ZNF69: variants seen among roughly 807,000 people sequenced by gnomAD.
ZNF69 encodes the protein zinc finger protein 69, also known as ZNF3.
ZNF69 carries 47 observed loss-of-function variants against 50.9 expected under a neutral mutation model. The observed-to-expected ratio is 0.92, with a 90% CI of 0.73 to 1.18. The LOEUF (loss-of-function observed/expected upper bound fraction) is 1.18. Ranked by LOEUF, ZNF69 falls within the 50% of genes most tolerant of loss-of-function variation. The pLI is 0.00. For synonymous variants in ZNF69, 216 were observed against 223.1 expected (o/e 0.97, Z 0.29); for missense variants, 717 against 675.1 (o/e 1.06, Z -0.69).
At chr19:11,970,369 A>G in the ZNF69 span, among the ~76,000 whole-genome samples, 2 of 152,204 alleles carry the variant, frequency 1.3e-5, no homozygotes, top group Non-Finnish European at 2.9e-5. Flanking sequence ...AACTGGGAGG[A>G]GGTGGAGAAC....
At chr19:11,970,173 G>T in the ZNF69 span, among the ~76,000 whole-genome samples, 1 of 152,158 alleles carries the variant, frequency 6.6e-6, no homozygotes, top group African/African-American at 2.4e-5. Flanking sequence ...TCTGCCAATC[G>T]GATGTTGCTA....
chr19:11,924,930 C>T, the ZNF69 span: 1 of 390,544 alleles, frequency 2.6e-6, no homozygotes, highest in South Asian at 2.3e-5. Context: ...GTGCAGAAAG[C>T]AGCTCGCCCT....
At chr19:11,942,188 C>G in the ZNF69 span, among the ~76,000 whole-genome samples, 1 of 150,626 alleles carries the variant, frequency 6.6e-6, no homozygotes, top group South Asian at 2.1e-4. Flanking sequence ...CTGCTTATAT[C>G]TAGCATGCCT....
At chr19:11,945,498 G>C in the ZNF69 span, among the ~76,000 whole-genome samples, 1 of 152,136 alleles carries the variant, frequency 6.6e-6, no homozygotes, top group African/African-American at 2.4e-5. Context: ...GCTCTCAAGT[G>C]CTTGAGGTGG....
chr19:11,921,124 A>G, the ZNF69 span, among the ~76,000 whole-genome samples: 2 of 152,188 alleles, frequency 1.3e-5, no homozygotes, highest in African/African-American at 4.8e-5. Flanking sequence ...AGTGTCAGAT[A>G]AATGCTCTCC....
At chr19:11,892,983 T>C (rs1476891538) in intron 1 of ZNF69, among the ~76,000 whole-genome samples, 1 of 152,116 alleles carries the variant, frequency 6.6e-6, no homozygotes, top group Non-Finnish European at 1.5e-5. Flanking sequence ...TACATGCATG[T>C]GCCACCGCAC....
chr19:11,908,305 C>T (rs1260313863), downstream of ZNF69, among the ~76,000 whole-genome samples: 1 of 152,206 alleles, frequency 6.6e-6, no homozygotes, highest in Non-Finnish European at 1.5e-5. Context: ...TTGAACTCAG[C>T]TCTGCACCAA....
At chr19:11,924,398 CT>C in the ZNF69 span, among the ~76,000 whole-genome samples, 1 of 137,784 alleles carries the variant, frequency 7.3e-6, no homozygotes, top group African/African-American at 2.7e-5. Flanking sequence ...CACCACTGCA[CT>C]CCAGCCTGGG....
At chr19:11,917,761 G>C (rs911125381), downstream of ZNF69, among the ~76,000 whole-genome samples, 5 of 149,144 alleles carry the variant, frequency 3.4e-5, no homozygotes, top group Admixed American at 6.7e-5. Flanking sequence ...GGGTAGCCGG[G>C]ACTGCTGGCA....
intron 4 of ZNF69, among the ~76,000 whole-genome samples, chr19:11,912,547 G>A (rs569668292): frequency 1.9e-4 from 29 of 152,190 alleles, no homozygotes; most frequent in Non-Finnish European, 2.5e-4. Flanking sequence ...AGCAATGTGC[G>A]AAAGCCTTTA....
chr19:11,932,822 A>G, the ZNF69 span, among the ~76,000 whole-genome samples: 1 of 147,402 alleles, frequency 6.8e-6, no homozygotes, highest in Admixed American at 6.7e-5. Context: ...TATTTTTAGT[A>G]GAGACGGGGT....
the ZNF69 span, among the ~76,000 whole-genome samples, chr19:11,924,431 C>CAAAAAAAA: frequency 6.1e-5 from 4 of 65,170 alleles, no homozygotes; most frequent in Non-Finnish European, 7.1e-5. Flanking sequence ...GACTCCGTCT[C>CAAAAAAAA]AAAAAAAAAA....
the ZNF69 span, among the ~76,000 whole-genome samples, chr19:11,932,562 C>G: frequency 0.12 from 17,376 of 147,428 alleles, 1,723 homozygotes; most frequent in Middle Eastern, 0.19. Context: ...TTTCTTTATA[C>G]TTCCCCAACC....
At chr19:11,924,853 G>C in the ZNF69 span, among the ~76,000 whole-genome samples, 1 of 152,344 alleles carries the variant, frequency 6.6e-6, no homozygotes, top group East Asian at 1.9e-4. Flanking sequence ...CCTTGAGTGA[G>C]GATGACGCTA....
downstream of ZNF69, among the ~76,000 whole-genome samples, chr19:11,909,961 A>G (rs532649998): frequency 2.0e-5 from 3 of 151,120 alleles, no homozygotes; most frequent in Non-Finnish European, 4.4e-5. Flanking sequence ...CTGATAAGCA[A>G]CTTCAGCAAA....
the ZNF69 span, among the ~76,000 whole-genome samples, chr19:11,958,614 G>C: frequency 6.6e-6 from 1 of 152,230 alleles, no homozygotes; most frequent in Non-Finnish European, 1.5e-5. Flanking sequence ...AAGGGTGTTA[G>C]TAGAAGTCCC....
the ZNF69 span, chr19:11,948,611 G>C: frequency 6.2e-7 from 1 of 1,611,638 alleles, no homozygotes; most frequent in Non-Finnish European, 8.5e-7. Flanking sequence ...CCCTATGCTT[G>C]TAAAGTCTGT....
At chr19:11,901,272 A>G (rs1226168424) in intron 1 of ZNF69, among the ~76,000 whole-genome samples, 2 of 152,064 alleles carry the variant, frequency 1.3e-5, no homozygotes, top group Admixed American at 1.3e-4. Context: ...TATTTAATTT[A>G]TTGAGCATTT....
intron 1 of ZNF69, among the ~76,000 whole-genome samples, chr19:11,896,714 G>A (rs1273064448): frequency 2.0e-5 from 3 of 151,860 alleles, no homozygotes; most frequent in Non-Finnish European, 4.4e-5. Context: ...TGATTTTTTT[G>A]GAGTGATGCA....
Sources: allele counts gnomAD v4.1 joint callset (sites outside exome capture counted in the v4.1 genomes callset), GRCh38; gene constraint gnomAD v4.1.1; transcripts MANE v1.5; gene names NCBI Gene and HGNC (gene_info 2026-07-23, HGNC 2026-07-21).